Variants in ADAMTSL1 observed in about 807,000 individuals in gnomAD.
ADAMTSL1 encodes ADAMTS-like protein 1.
In ADAMTSL1, 126 loss-of-function variants were observed where a neutral mutation model predicts 201.8. That is an observed-to-expected ratio of 0.62 (90% confidence interval 0.54 to 0.72). The LOEUF (loss-of-function observed/expected upper bound fraction) is 0.72, where lower values mean the gene tolerates loss of function less well. Among genes scored for constraint, ADAMTSL1 ranks in the 30% least tolerant of loss-of-function variants. ADAMTSL1 has a pLI of 0.00. For missense variants in ADAMTSL1, 2,679 were observed against 2,277.8 expected (o/e 1.18, Z -3.59); for synonymous variants, 1,121 against 903.4 (o/e 1.24, Z -4.32).
At chr9:18,393,429 C>T (rs887518217) in intron 2 of ADAMTSL1, among the ~76,000 whole-genome samples, 1 of 152,174 alleles carries the variant, frequency 6.6e-6, no homozygotes, top group Non-Finnish European at 1.5e-5. Flanking sequence ...AGTTTTAGCA[C>T]TAAGAGTTCC....
intron 23 of ADAMTSL1, among the ~76,000 whole-genome samples, chr9:18,870,112 C>T (rs1217002969): frequency 5.3e-5 from 8 of 152,098 alleles, no homozygotes; most frequent in Non-Finnish European, 1.5e-5. Flanking sequence ...CTGATACATG[C>T]CATCTGTTCA....
chr9:18,492,439 A>C (rs904127756), intron 1 of ADAMTSL1, among the ~76,000 whole-genome samples: 3 of 152,208 alleles, frequency 2.0e-5, no homozygotes, highest in African/African-American at 7.2e-5. Context: ...TCACTTTAGG[A>C]TCTGCCATAG....
chr9:18,459,875 C>T (rs1820745003), intron 2 of ADAMTSL1, among the ~76,000 whole-genome samples: 1 of 151,876 alleles, frequency 6.6e-6, no homozygotes, highest in South Asian at 2.1e-4. Flanking sequence ...CAAAAATTGA[C>T]AAAGAAACAG....
chr9:18,604,052 G>T (rs1329550994), intron 4 of ADAMTSL1, among the ~76,000 whole-genome samples: 1 of 152,200 alleles, frequency 6.6e-6, no homozygotes, highest in African/African-American at 2.4e-5. Flanking sequence ...TGTCCTTACT[G>T]CTGTGTCCTG....
Position 18,909,670 on chromosome 9 carries a change from C to CTGTCAGGCTGTCAGGT in ADAMTSL1, c.*1129_*1130insCTGTCAGGTTGTCAGG, listed in dbSNP as rs1830499178. 6.6e-6 allele frequency: 1 copy of CTGTCAGGCTGTCAGGT among 152,234 alleles called. No homozygotes were observed. Among genetic ancestry groups the CTGTCAGGCTGTCAGGT allele is most frequent in the Non-Finnish European group, 1.5e-5 (1 of 68,112 alleles). 9.4% of individuals were successfully genotyped at this position (152,234 alleles called of 1,614,324 possible). On this transcript the variant is annotated 3_prime_UTR_variant, in exon 29 of 29. Coordinates refer to ENST00000380548, the MANE Select transcript of ADAMTSL1 (RefSeq NM_001040272.6). ...ACTGTGCCAGAGAGTATCTGTCAGG[C>CTGTCAGGCTGTCAGGT]TGTCAGGTTGTAGCAACCTCTTCAT... is the stretch of plus-strand genomic sequence containing the variant.
intron 13 of ADAMTSL1, among the ~76,000 whole-genome samples, chr9:18,685,311 C>A (rs1830762741): frequency 6.6e-6 from 1 of 152,168 alleles, no homozygotes; most frequent in Admixed American, 6.5e-5. Context: ...TGTCCCATGT[C>A]TACTCAATTT....
intron 20 of ADAMTSL1, among the ~76,000 whole-genome samples, chr9:18,800,406 G>GAAAAAAAAAAAAAAAAAAAAAAAAAAA (rs1333240566): frequency 8.8e-6 from 1 of 113,828 alleles, no homozygotes; most frequent in Non-Finnish European, 1.8e-5. Context: ...AAAAAAAAAG[G>GAAAAAAAAAAAAAAAAAAAAAAAAAAA]AAAAATGGAC....
intron 15 of ADAMTSL1, among the ~76,000 whole-genome samples, chr9:18,724,199 C>T (rs559745395): frequency 1.3e-5 from 2 of 152,316 alleles, no homozygotes; most frequent in Admixed American, 1.3e-4. Flanking sequence ...AGGTCACCCC[C>T]TGGTTAAGAT....
intron 1 of ADAMTSL1, among the ~76,000 whole-genome samples, chr9:18,006,919 C>A (rs867938359): frequency 1.3e-5 from 2 of 151,886 alleles, no homozygotes; most frequent in African/African-American, 4.8e-5. Flanking sequence ...ATCATTAGAT[C>A]GTTTGTCTAG....
chr9:18,566,505 G>T (rs141034551), intron 3 of ADAMTSL1, among the ~76,000 whole-genome samples: 43 of 152,328 alleles, frequency 2.8e-4, no homozygotes, highest in African/African-American at 1.0e-3. Context: ...GTGGGAATGG[G>T]ATTGCAGTTT....
chr9:18,001,228 A>G (rs1352182572), intron 1 of ADAMTSL1, among the ~76,000 whole-genome samples: 3 of 152,102 alleles, frequency 2.0e-5, no homozygotes, highest in East Asian at 1.9e-4. Flanking sequence ...TGAAGGTAAG[A>G]TTGCAATAAT....
intron 2 of ADAMTSL1, among the ~76,000 whole-genome samples, chr9:18,291,716 T>TTCTC (rs766379106): frequency 0.015 from 1,726 of 114,390 alleles, 22 homozygotes; most frequent in African/African-American, 0.042. Flanking sequence ...CTCTCTCTCT[T>TTCTC]TCTCTCTCTC....
At chr9:17,959,030 G>A (rs993529670) in intron 1 of ADAMTSL1, among the ~76,000 whole-genome samples, 10 of 152,106 alleles carry the variant, frequency 6.6e-5, no homozygotes, top group Non-Finnish European at 1.5e-5. Flanking sequence ...TTTTCTGCCT[G>A]TGGGAATAGT....
At chr9:18,857,244 T>C (rs1826916699) in intron 23 of ADAMTSL1, among the ~76,000 whole-genome samples, 1 of 152,222 alleles carries the variant, frequency 6.6e-6, no homozygotes, top group Admixed American at 6.5e-5. Flanking sequence ...ACATAATACC[T>C]CATTGCCCAG....
intron 2 of ADAMTSL1, among the ~76,000 whole-genome samples, chr9:18,466,946 T>C (rs1283294181): frequency 6.6e-6 from 1 of 152,150 alleles, no homozygotes; most frequent in African/African-American, 2.4e-5. Flanking sequence ...ATGTTTTCCC[T>C]GGTTTTCAGA....
At chr9:18,197,066 T>C (rs1383891252) in intron 2 of ADAMTSL1, among the ~76,000 whole-genome samples, 2 of 152,192 alleles carry the variant, frequency 1.3e-5, no homozygotes, top group Non-Finnish European at 1.5e-5. Flanking sequence ...TTTGTTTTCC[T>C]CTTTTTCTTC....
intron 4 of ADAMTSL1, 71 bp downstream of exon 4, chr9:18,574,337 G>A (rs780249459): frequency 3.6e-5 from 46 of 1,287,608 alleles, no homozygotes; most frequent in Non-Finnish European, 4.9e-5. Flanking sequence ...GGTTTACATA[G>A]TCTCACTCTC....
At chr9:18,335,526 A>G (rs367557873) in intron 2 of ADAMTSL1, among the ~76,000 whole-genome samples, 1 of 152,056 alleles carries the variant, frequency 6.6e-6, no homozygotes, top group Admixed American at 6.6e-5. Flanking sequence ...GATTATTGTA[A>G]CCTAGTTTTC....
intron 13 of ADAMTSL1, among the ~76,000 whole-genome samples, chr9:18,698,502 T>C (rs959447099): frequency 1.3e-5 from 2 of 152,022 alleles, no homozygotes; most frequent in African/African-American, 4.8e-5. Flanking sequence ...GCCAGGCTGG[T>C]CTTGAACTCC....
Sources: allele counts gnomAD v4.1 joint callset (sites outside exome capture counted in the v4.1 genomes callset), GRCh38; gene constraint gnomAD v4.1.1; transcripts MANE v1.5; gene names NCBI Gene and HGNC (gene_info 2026-07-23, HGNC 2026-07-21).